Variants in TMEM233 observed in about 807,000 individuals in gnomAD.
TMEM233 encodes dispanin subfamily B member 2.
Under a neutral mutation model 11.2 loss-of-function variants are expected in TMEM233, and 6 were observed. The observed-to-expected ratio is 0.54, with a 90% CI of 0.29 to 1.06. The LOEUF (loss-of-function observed/expected upper bound fraction) is 1.06. Among genes scored for constraint, TMEM233 ranks in the 50% least tolerant of loss-of-function variants. The pLI is 0.08. For missense variants in TMEM233, 127 were observed against 144.7 expected, an observed-to-expected ratio of 0.88 and a Z score of 0.63; for synonymous variants, 59 against 55.8, an observed-to-expected ratio of 1.06 and a Z score of -0.26.
intron 2 of TMEM233, among the ~76,000 whole-genome samples, chr12:119,633,228 T>G (rs1954919466): frequency 6.6e-6 from 1 of 152,128 alleles, no homozygotes; most frequent in Non-Finnish European, 1.5e-5. Context: ...AAAATGAGAA[T>G]TGAATTATTT....
intron 1 of TMEM233, among the ~76,000 whole-genome samples, chr12:119,615,186 A>AAAAAAAAC (rs1444677609): frequency 2.6e-4 from 37 of 142,436 alleles, no homozygotes; most frequent in African/African-American, 1.1e-3. Context: ...AAAAAAAAAA[A>AAAAAAAAC]AAAAAAAAAA....
chr12:119,631,564 G>C (rs1440194317), intron 2 of TMEM233: 1 of 985,284 alleles, frequency 1.0e-6, no homozygotes, highest in African/African-American at 1.7e-5. Flanking sequence ...TTTGATGTTG[G>C]CCCATGAAGA....
rs562976536 is a variant in TMEM233, at chr12:119,601,531, G to A, written c.186+7497G>A. Among the ~76,000 whole-genome samples the A allele has an allele frequency of 6.1e-4, 93 of 152,092 alleles. 1 individual carries two copies. The highest frequency in any genetic ancestry group is 1.4e-3 in the Admixed American group (21 of 15,272). On this transcript the variant is annotated intron_variant, in intron 1 of 2. Coordinates refer to ENST00000426426, the MANE Select transcript of TMEM233 (RefSeq NM_001136534.3). Reference sequence around the variant, plus strand: ...AAATTAGCCAGGCGTGGTGGCGGGCGCCTGTAGTCCCAGCTACTCGGGAGG... The same window carrying A: ...AAATTAGCCAGGCGTGGTGGCGGGCACCTGTAGTCCCAGCTACTCGGGAGG...
At chr12:119,605,613 G>A (rs1173089101) in intron 1 of TMEM233, among the ~76,000 whole-genome samples, 2 of 151,774 alleles carry the variant, frequency 1.3e-5, no homozygotes, top group African/African-American at 4.8e-5. Context: ...TGTATTTATT[G>A]TATAGATGGT....
At position 119,627,214 on chromosome 12, in the gene TMEM233, G is replaced by C. The variant is rs115355272; in HGVS notation, c.187-2522G>C. Among the ~76,000 whole-genome samples, 893 of 152,332 alleles carry C rather than the reference G, an allele frequency of 5.9e-3. 7 individuals carry two copies. The highest frequency in any genetic ancestry group is 0.02 in the African/African-American group (848 of 41,576). ...CTCATGGATTGACCTTCTAGTGCAG[G>C]AGTGGGCGAACTTCTTTGGTAAATG... On this transcript the variant is annotated intron_variant, in intron 1 of 2. Coordinates refer to ENST00000426426, the MANE Select transcript of TMEM233 (RefSeq NM_001136534.3).
At chr12:119,597,957 G>A (rs1593273217) in intron 1 of TMEM233, among the ~76,000 whole-genome samples, 3 of 152,236 alleles carry the variant, frequency 2.0e-5, no homozygotes, top group Non-Finnish European at 4.4e-5. Flanking sequence ...CCTCCACCAG[G>A]GCACATAGCT....
chr12:119,596,055 C>T (rs934766139), intron 1 of TMEM233, among the ~76,000 whole-genome samples: 10 of 152,156 alleles, frequency 6.6e-5, no homozygotes, highest in Non-Finnish European at 7.4e-5. Flanking sequence ...ATCCTGGAGG[C>T]CCGGAAGCCG....
At chr12:119,646,641 A>G (rs1215395249), downstream of TMEM233, among the ~76,000 whole-genome samples, 1 of 152,114 alleles carries the variant, frequency 6.6e-6, no homozygotes, top group Non-Finnish European at 1.5e-5. Flanking sequence ...CTTATTTATT[A>G]TCTTCTTTAT....
chr12:119,636,753 A>G (rs919158941), intron 2 of TMEM233, among the ~76,000 whole-genome samples: 1 of 152,240 alleles, frequency 6.6e-6, no homozygotes. Context: ...TCTGTGACAA[A>G]TATGACATTC....
chr12:119,594,070 G>C lies in TMEM233; in HGVS notation c.186+36G>C. 1 of 1,546,930 alleles carries C rather than the reference G, an allele frequency of 6.5e-7. No individual in the cohort carries two copies. Among genetic ancestry groups the C allele is most frequent in the Non-Finnish European group, 8.7e-7 (1 of 1,144,132 alleles). On this transcript the variant is annotated intron_variant, in intron 1 of 2. Transcript: ENST00000426426. This position sits in a 1 kb window ranked among gnomAD's most constrained non-coding sequence, Gnocchi z 5.6. The stretch of plus-strand genomic sequence containing the variant: ...CACGGCCAGAGGCAGCCTGGGAGGA[G>C]AGACCCGGGCGGCTTTGAGCCCCTG...
In TMEM233 at chr12:119,640,616, A is replaced by G. The variant is rs919502494; in HGVS notation, c.324-83A>G. The stretch of plus-strand genomic sequence containing the variant: ...TTAACCAGAGTCATCATCATCAAAT[A>G]AGGAAGGCATCGAGCTGGGAAAGCC... On this transcript the variant is annotated intron_variant, in intron 2 of 2. Transcript: ENST00000426426. 1.1e-5 allele frequency: 16 copies of G among 1,449,802 alleles called. No homozygotes were observed. In the East Asian group the frequency reaches 4.0e-4, roughly 36 times the overall value. 89.8% of individuals were successfully genotyped at this position (1,449,802 alleles called of 1,614,324 possible).
intron 1 of TMEM233, among the ~76,000 whole-genome samples, chr12:119,605,705 A>G (rs1216139077): frequency 6.6e-6 from 1 of 152,056 alleles, no homozygotes; most frequent in East Asian, 1.9e-4. Flanking sequence ...CTGGGATTAG[A>G]GGCGTGAGCC....
At chr12:119,601,759 G>A (rs773275599) in intron 1 of TMEM233, among the ~76,000 whole-genome samples, 3 of 151,996 alleles carry the variant, frequency 2.0e-5, no homozygotes, top group Non-Finnish European at 4.4e-5. Context: ...ATCGTTCAAG[G>A]GAGAGAGAAA....
Position 119,642,762 on chromosome 12 carries a change from A to G in TMEM233, c.*2057A>G, listed in dbSNP as rs1037765562. 2.6e-5 allele frequency: 4 copies of G among 151,178 alleles called. No individual in the cohort carries two copies. The highest frequency in any genetic ancestry group is 4.9e-5 in the African/African-American group (2 of 40,978). 9.4% of individuals were successfully genotyped at this position (151,178 alleles called of 1,614,324 possible). A position where few individuals can be genotyped will look rare whatever the true frequency, so the allele number is the denominator to read the frequency against. The stretch of plus-strand genomic sequence containing the variant: ...GGAGAATTCTAAGTACTATACCAAT[A>G]CAAATTTCAGCATTTTTTCATATAC... On this transcript the variant is annotated 3_prime_UTR_variant, in exon 3 of 3. Coordinates refer to ENST00000426426, the MANE Select transcript of TMEM233 (RefSeq NM_001136534.3).
chr12:119,646,347 C>T (rs568368192), downstream of TMEM233, among the ~76,000 whole-genome samples: 3 of 152,336 alleles, frequency 2.0e-5, no homozygotes, highest in East Asian at 3.9e-4. Flanking sequence ...GCATGAGCCA[C>T]GGCACCAGTC....
intron 1 of TMEM233, among the ~76,000 whole-genome samples, chr12:119,616,032 A>G (rs914173474): frequency 2.0e-5 from 3 of 152,280 alleles, no homozygotes; most frequent in African/African-American, 7.2e-5. Context: ...GTGTCCATCC[A>G]GGGAAGGGGT....
rs1041500623 is a variant in TMEM233 at position 119,631,734 on chromosome 12, T to C, written c.323+1862T>C. 8.0e-6 allele frequency: 7 copies of C among 873,630 alleles called. No homozygotes were observed. In the African/African-American group the frequency reaches 1.1e-4, roughly 14 times the overall value. The allele number at this position is 873,630 out of a possible 1,614,324, so 54.1% of individuals were successfully genotyped here. A position where few individuals can be genotyped will look rare whatever the true frequency, so the allele number is the denominator to read the frequency against. On this transcript the variant is annotated intron_variant, in intron 2 of 2. Transcript: ENST00000426426. ...GGACCCAGGTCCCAGTCACCACTTA[T>C]TCACTGTGAGACCTTCAGCCAATTG...
intron 1 of TMEM233, among the ~76,000 whole-genome samples, chr12:119,610,878 A>G (rs1187183718): frequency 2.0e-5 from 3 of 152,116 alleles, no homozygotes; most frequent in Non-Finnish European, 2.9e-5. Flanking sequence ...TCTACTGTCT[A>G]TCTCTACGGA....
intron 2 of TMEM233, chr12:119,634,108 A>T: frequency 8.4e-6 from 2 of 237,350 alleles, no homozygotes; most frequent in Non-Finnish European, 1.4e-5. Context: ...GTTTTCATTT[A>T]CAGCAAACTC....
Sources: allele counts gnomAD v4.1 joint callset (sites outside exome capture counted in the v4.1 genomes callset), GRCh38; gene constraint gnomAD v4.1.1; non-coding constraint Gnocchi (gnomAD v3.1); transcripts MANE v1.5; gene names NCBI Gene and HGNC (gene_info 2026-07-23, HGNC 2026-07-21).